Variants in LHFPL2 observed in about 807,000 individuals in gnomAD.
LHFPL2 encodes LHFPL tetraspan subfamily member 2 protein.
LHFPL2 carries 7 observed loss-of-function variants against 17.5 expected under a neutral mutation model. The ratio of observed to expected loss-of-function variants is 0.40; its 90% confidence interval spans 0.23 to 0.75. The LOEUF (loss-of-function observed/expected upper bound fraction) is 0.75. Among genes scored for constraint, LHFPL2 ranks in the 30% least tolerant of loss-of-function variants. LHFPL2 has a pLI of 0.37. For synonymous variants in LHFPL2, 134 were observed against 116.2 expected (o/e 1.15, Z -0.99); for missense variants, 241 against 294.8 (o/e 0.82, Z 1.34).
chr5:78,507,342 GAAAAGA>G (rs1311118781), intron 4 of LHFPL2, among the ~76,000 whole-genome samples: 32 of 149,676 alleles, frequency 2.1e-4, no homozygotes, highest in African/African-American at 6.2e-4. Context: ...AAAAAAAAAA[GAAAAGA>G]AAAAGAAAAA....
Position 78,488,945 on chromosome 5 carries a change from T to G in LHFPL2, c.639A>C (p.Lys213Asn). Residue 213 changes from lysine to asparagine, a missense_variant, in exon 5 of 5, where the codon AAA becomes AAC. Lys to Asn is a moderately conservative substitution (Grantham distance 94). Coordinates refer to ENST00000380345, the MANE Select transcript of LHFPL2 (RefSeq NM_005779.3). ...AQAEIATSSDKVQEEIEEGKN... is the reference protein window; with the variant it reads ...AQAEIATSSDNVQEEIEEGKN... ...TCCCCTCTTCAATTTCTTCCTGTAC[T>G]TTGTCACTAGAGGTTGCAATTTCTG... The G allele has an allele frequency of 6.2e-7, 1 of 1,614,146 alleles. No homozygotes were observed.
chr5:78,541,620 G>A (rs1167414466), intron 3 of LHFPL2, among the ~76,000 whole-genome samples: 1 of 152,182 alleles, frequency 6.6e-6, no homozygotes, highest in Non-Finnish European at 1.5e-5. Flanking sequence ...CTTGCAGTGA[G>A]GTGTGTGACC....
rs1422763441 is a variant in LHFPL2 at position 78,585,303 on chromosome 5, G to A, written c.-244-20432C>T. ...ATTACAGGCGTGAGCCACCGCGCCC[G>A]GCCTGGTGCGCTGTTTTTTAAGCCC... On this transcript the variant is annotated intron_variant, in intron 2 of 4. Transcript: ENST00000380345. 5.8e-4 allele frequency among the ~76,000 whole-genome samples: 36 copies of A among 61,816 alleles called. 10 individuals carry two copies. The highest frequency in any genetic ancestry group is 1.6e-3 in the African/African-American group (32 of 20,252). 40.6% of individuals were successfully genotyped at this position (61,816 alleles called of 152,430 possible). A position where few individuals can be genotyped will look rare whatever the true frequency, so the allele number is the denominator to read the frequency against.
chr5:78,638,527 T>C (rs903551285), intron 1 of LHFPL2, among the ~76,000 whole-genome samples: 1 of 152,154 alleles, frequency 6.6e-6, no homozygotes, highest in African/African-American at 2.4e-5. Context: ...AACAATACCA[T>C]GGAATGCTGG....
chr5:78,593,069 C>G (rs1051609196), intron 2 of LHFPL2, among the ~76,000 whole-genome samples: 4 of 152,104 alleles, frequency 2.6e-5, no homozygotes, highest in Non-Finnish European at 5.9e-5. Flanking sequence ...TTTGGCAACT[C>G]GCGCATAATC....
intron 4 of LHFPL2, among the ~76,000 whole-genome samples, chr5:78,495,595 C>T (rs534126918): frequency 8.5e-5 from 13 of 152,284 alleles, no homozygotes; most frequent in African/African-American, 3.1e-4. Flanking sequence ...CACCTGTTAC[C>T]ACTACCAGCA....
At chr5:78,647,080 G>A (rs1745912729) in intron 1 of LHFPL2, among the ~76,000 whole-genome samples, 1 of 152,118 alleles carries the variant, frequency 6.6e-6, no homozygotes, top group African/African-American at 2.4e-5. Context: ...TTATAAGATA[G>A]TGTTTTATCT....
At chr5:78,550,811 T>G (rs1431528154) in intron 3 of LHFPL2, among the ~76,000 whole-genome samples, 1 of 152,214 alleles carries the variant, frequency 6.6e-6, no homozygotes, top group Non-Finnish European at 1.5e-5. Context: ...TCTCAAGTGA[T>G]CTGCCCATCT....
At chr5:78,499,867 T>C (rs1036458531) in intron 4 of LHFPL2, among the ~76,000 whole-genome samples, 1 of 152,174 alleles carries the variant, frequency 6.6e-6, no homozygotes, top group African/African-American at 2.4e-5. Flanking sequence ...GATGCCACTT[T>C]GGAATGGCTG....
intron 2 of LHFPL2, among the ~76,000 whole-genome samples, chr5:78,583,606 T>C (rs1000053630): frequency 6.6e-6 from 1 of 152,044 alleles, no homozygotes; most frequent in Non-Finnish European, 1.5e-5. Flanking sequence ...TGTTGAATAT[T>C]GGCCCCCACT....
At chr5:78,497,380 C>T (rs145355932) in intron 4 of LHFPL2, among the ~76,000 whole-genome samples, 2 of 152,318 alleles carry the variant, frequency 1.3e-5, no homozygotes, top group Non-Finnish European at 1.5e-5. Flanking sequence ...CTCTCTCACC[C>T]GGGCTACACC....
At chr5:78,627,036 G>A (rs193094770) in intron 2 of LHFPL2, among the ~76,000 whole-genome samples, 5 of 152,068 alleles carry the variant, frequency 3.3e-5, no homozygotes, top group African/African-American at 4.8e-5. Context: ...AGCCGAGATC[G>A]CACCACTGCA....
In LHFPL2 at chr5:78,532,667, T is replaced by A. The variant is rs150681332; in HGVS notation, c.-185-22269A>T. Among the ~76,000 whole-genome samples, 8 of 152,268 alleles carry A rather than the reference T, an allele frequency of 5.3e-5. No individual in the cohort carries two copies. The South Asian group carries it at 1.2e-3, about 24-fold the overall frequency. ...CACTGAGATACTATGAATCCTTTTT[T>A]AAAAAACTGAATAATAAAACCATCA... On this transcript the variant is annotated intron_variant, in intron 3 of 4. Transcript: ENST00000380345.
In LHFPL2 at chr5:78,488,987, A is replaced by G. The variant is rs35110604; in HGVS notation, c.597T>C (p.Ala199=). 4 of 1,614,168 alleles carry G rather than the reference A, an allele frequency of 2.5e-6. No individual in the cohort carries two copies. Among genetic ancestry groups the G allele is most frequent in the Non-Finnish European group, 3.4e-6 (4 of 1,180,014 alleles). ...CAATTTCTGCTTGTGCAGAGAAGAC[A>G]GCACAGATGAAAGTGAGGACTGTGC... ...IGGTVLTFIC[A]VFSAQAEIAT... The change falls in exon 5 of 5, where the codon GCT becomes GCC. Residue 199 remains alanine, a synonymous_variant. Transcript: ENST00000380345.
rs1398455916 is a variant in LHFPL2, at chr5:78,510,039, G to C, written c.175C>G (p.Pro59Ala). 6.2e-7 allele frequency: 1 copy of C among 1,611,046 alleles called. No homozygotes were observed. The highest frequency in any genetic ancestry group is 2.2e-5 in the East Asian group (1 of 44,800). ...CAGCGGGCGTAGATGCCCAGGGTGGGGTGGTAGGGCTCCGGGGAGCCCCCG... is the reference window on the plus strand; with the variant it reads ...CAGCGGGCGTAGATGCCCAGGGTGGCGTGGTAGGGCTCCGGGGAGCCCCCG... ...PGGGSPEPYH[P>A]TLGIYARCIR... is the part of the protein sequence containing the mutation. The change falls in exon 4 of 5, where the codon CCC becomes GCC. Residue 59 changes from proline (P) to alanine (A), a missense_variant. Physicochemically the swap from Pro to Ala is conservative, Grantham distance 27. Transcript: ENST00000380345.
At chr5:78,621,256 T>C (rs1335595839) in intron 2 of LHFPL2, among the ~76,000 whole-genome samples, 2 of 152,202 alleles carry the variant, frequency 1.3e-5, no homozygotes, top group East Asian at 1.9e-4. Context: ...TGTTTATGCA[T>C]GGATGCAGGC....
intron 2 of LHFPL2, among the ~76,000 whole-genome samples, chr5:78,618,374 A>G (rs1232366271): frequency 1.3e-5 from 2 of 152,144 alleles, no homozygotes; most frequent in African/African-American, 4.8e-5. Context: ...TTGGGCAAGG[A>G]GCAGCTGGGA....
intron 2 of LHFPL2, among the ~76,000 whole-genome samples, chr5:78,604,854 G>C (rs1156375356): frequency 1.3e-5 from 2 of 152,138 alleles, no homozygotes; most frequent in Admixed American, 6.5e-5. Flanking sequence ...TCTATTCCCT[G>C]CATTTATGAA....
intron 2 of LHFPL2, among the ~76,000 whole-genome samples, chr5:78,587,431 A>G (rs987721436): frequency 2.6e-5 from 4 of 152,214 alleles, no homozygotes; most frequent in African/African-American, 9.6e-5. Flanking sequence ...GAAAATGCTG[A>G]CATCTCTGAG....
Sources: gnomAD v4.1 joint callset for allele counts (sites outside exome capture counted in the v4.1 genomes callset) on GRCh38, gnomAD v4.1.1 for gene constraint, MANE v1.5 for transcripts, NCBI Gene and HGNC (gene_info 2026-07-23, HGNC 2026-07-21) for gene names.